The following LHPP variants were observed in gnomAD, a reference collection of about 807,000 sequenced individuals.
LHPP encodes the protein hLHPP.
LHPP carries 24 observed loss-of-function variants against 30.3 expected under a neutral mutation model. That is an observed-to-expected ratio of 0.79 (90% CI 0.57 to 1.11). The LOEUF (loss-of-function observed/expected upper bound fraction) is 1.11, where lower values mean the gene tolerates loss of function less well. LHPP is among the 50% of genes most tolerant of loss of function. The pLI is 0.00. For synonymous variants in LHPP, 150 were observed against 157.1 expected (o/e 0.95, Z 0.34); for missense variants, 356 against 367.2 (o/e 0.97, Z 0.25).
chr10:124,561,155 C>A (rs1210382325), intron 6 of LHPP, among the ~76,000 whole-genome samples: 2 of 152,178 alleles, frequency 1.3e-5, no homozygotes, highest in African/African-American at 2.4e-5. Flanking sequence ...GGCTGAAGGA[C>A]CAAGCCAGGG....
intron 6 of LHPP, among the ~76,000 whole-genome samples, chr10:124,570,923 A>C (rs1948575586): frequency 6.6e-6 from 1 of 152,184 alleles, no homozygotes; most frequent in Admixed American, 6.5e-5. Flanking sequence ...CCCAACCCAA[A>C]TCTCGTCTCG....
At chr10:124,533,593 T>A (rs1282720770) in intron 6 of LHPP, among the ~76,000 whole-genome samples, 5 of 152,244 alleles carry the variant, frequency 3.3e-5, no homozygotes, top group African/African-American at 1.2e-4. Flanking sequence ...GGTCAAGGCC[T>A]ACTGCATGGC....
intron 3 of LHPP, among the ~76,000 whole-genome samples, chr10:124,494,154 T>G (rs1328832804): frequency 6.6e-6 from 1 of 152,182 alleles, no homozygotes; most frequent in Non-Finnish European, 1.5e-5. Flanking sequence ...CAGGACTAAA[T>G]TTAAACATAA....
Position 124,469,901 on chromosome 10 carries a change from T to C in LHPP, c.125+7914T>C, listed in dbSNP as rs567540888. 4.6e-5 allele frequency among the ~76,000 whole-genome samples: 7 copies of C among 152,088 alleles called. No homozygotes were observed. The East Asian group carries it at 1.4e-3, about 29-fold the overall frequency. ...AGATCCCATGGCGAGGGAGCTGGGATTGGAGGATGCTGAGCGAGCCAGCCA... is the reference window on the plus strand; with the variant it reads ...AGATCCCATGGCGAGGGAGCTGGGACTGGAGGATGCTGAGCGAGCCAGCCA... On this transcript the variant is annotated intron_variant, in intron 1 of 6. Coordinates refer to ENST00000368842, the MANE Select transcript of LHPP (RefSeq NM_022126.4).
intron 6 of LHPP, among the ~76,000 whole-genome samples, chr10:124,550,667 G>A (rs567374503): frequency 1.5e-4 from 23 of 152,294 alleles, no homozygotes; most frequent in African/African-American, 4.8e-4. Flanking sequence ...CGTGTCCCCC[G>A]TGCCTTTTCC....
intron 3 of LHPP, chr10:124,493,921 C>T (rs12415214): frequency 6.6e-6 from 1 of 152,134 alleles, no homozygotes; most frequent in Non-Finnish European, 1.5e-5. Flanking sequence ...AACAGTTGGC[C>T]TCAAGATGCC....
chr10:124,580,345 A>G (rs566045363), intron 6 of LHPP, among the ~76,000 whole-genome samples: 2 of 152,334 alleles, frequency 1.3e-5, no homozygotes, highest in South Asian at 2.1e-4. Flanking sequence ...TCCTTGTTAT[A>G]CTTAGAAAGA....
chr10:124,580,258 T>A (rs2133990605), intron 6 of LHPP, among the ~76,000 whole-genome samples: 1 of 152,364 alleles, frequency 6.6e-6, no homozygotes, highest in Admixed American at 6.5e-5. Context: ...CAGTTTTAAA[T>A]TAAAATATAA....
intron 1 of LHPP, among the ~76,000 whole-genome samples, chr10:124,464,627 C>T (rs1025453466): frequency 3.9e-5 from 6 of 152,170 alleles, no homozygotes; most frequent in Non-Finnish European, 8.8e-5. Context: ...CTAGCTCAGT[C>T]ACAGATGAGA....
At chr10:124,531,561 C>A (rs1954903533) in intron 6 of LHPP, among the ~76,000 whole-genome samples, 1 of 152,228 alleles carries the variant, frequency 6.6e-6, no homozygotes, top group South Asian at 2.1e-4. Context: ...CTTCCCTGTC[C>A]TCGCCTCAGT....
intron 1 of LHPP, among the ~76,000 whole-genome samples, chr10:124,471,834 A>G (rs1273429682): frequency 6.8e-6 from 1 of 147,154 alleles, no homozygotes; most frequent in East Asian, 2.0e-4. Context: ...GGATCTTAAT[A>G]TATTGCCCAG....
intron 1 of LHPP, among the ~76,000 whole-genome samples, chr10:124,473,435 T>C (rs1952848951): frequency 6.6e-6 from 1 of 152,170 alleles, no homozygotes; most frequent in African/African-American, 2.4e-5. Context: ...GCACCACCTC[T>C]TACCTGTTGC....
chr10:124,554,172 G>GTATT, intron 6 of LHPP: 1 of 496,454 alleles, frequency 2.0e-6, no homozygotes, highest in Non-Finnish European at 2.6e-6. Flanking sequence ...AGTTTATTAT[G>GTATT]TATTTATTCA....
chr10:124,526,200 C>T (rs978863246), intron 6 of LHPP: 13 of 985,274 alleles, frequency 1.3e-5, no homozygotes, highest in African/African-American at 1.7e-5. Flanking sequence ...GGTGCTCACA[C>T]GTGCTCTTCT....
intron 6 of LHPP, among the ~76,000 whole-genome samples, chr10:124,563,006 A>G (rs913712787): frequency 9.9e-5 from 15 of 152,166 alleles, no homozygotes; most frequent in African/African-American, 3.6e-4. Flanking sequence ...AATCTGAATC[A>G]CTCAGACATT....
At position 124,510,494 on chromosome 10, in the gene LHPP, C is replaced by G. The variant is rs1447397422; in HGVS notation, c.625-6686C>G. ...CTCGCTTTATCCCGCAGAACCTCCA[C>G]GCTGTTCCTGCATGAGAACTCTTCC... On this transcript the variant is annotated intron_variant, in intron 5 of 6. Coordinates refer to ENST00000368842, the MANE Select transcript of LHPP (RefSeq NM_022126.4). The surrounding 1 kb of genome is among the most constrained non-coding windows in gnomAD (Gnocchi z 4.0). Among the ~76,000 whole-genome samples, 1 of 152,190 alleles carries G rather than the reference C, an allele frequency of 6.6e-6. No homozygotes were observed. Among genetic ancestry groups the G allele is most frequent in the Non-Finnish European group, 1.5e-5 (1 of 68,022 alleles).
intron 6 of LHPP, among the ~76,000 whole-genome samples, chr10:124,524,379 C>T (rs1382265705): frequency 6.6e-6 from 1 of 150,728 alleles, no homozygotes; most frequent in Non-Finnish European, 1.5e-5. Flanking sequence ...CAGGTTCAAG[C>T]GATTCTCCTG....
chr10:124,603,366 C>T (rs538650646), intron 6 of LHPP, among the ~76,000 whole-genome samples: 1 of 152,166 alleles, frequency 6.6e-6, no homozygotes, highest in Admixed American at 6.5e-5. Context: ...GATGGCCAAA[C>T]GGATGGGGGA....
chr10:124,612,495 G>A (rs962095405), intron 6 of LHPP, among the ~76,000 whole-genome samples: 1 of 152,174 alleles, frequency 6.6e-6, no homozygotes, highest in African/African-American at 2.4e-5. Context: ...CCACCCACGT[G>A]TCTACCCGTA....
Sources: gnomAD v4.1 joint callset for allele counts (sites outside exome capture counted in the v4.1 genomes callset) on GRCh38, gnomAD v4.1.1 for gene constraint, Gnocchi (gnomAD v3.1) non-coding constraint, MANE v1.5 for transcripts, NCBI Gene and HGNC (gene_info 2026-07-23, HGNC 2026-07-21) for gene names.